Variants in PRIM2 observed in about 807,000 individuals in gnomAD.
PRIM2 encodes the protein DNA primase large subunit.
In PRIM2, 39 loss-of-function variants were observed where a neutral mutation model predicts 67.3. That is an observed-to-expected ratio of 0.58 (90% CI 0.45 to 0.76). The LOEUF is 0.76. Among genes scored for constraint, PRIM2 ranks in the 30% least tolerant of loss-of-function variants. The pLI is 0.00. For missense variants in PRIM2, 398 were observed against 598.7 expected (o/e 0.66, Z 3.50); for synonymous variants, 143 against 198.7 (o/e 0.72, Z 2.36).
chr6:57,284,046 A>G, the PRIM2 span, among the ~76,000 whole-genome samples: 8 of 152,286 alleles, frequency 5.3e-5, no homozygotes, highest in Admixed American at 1.3e-4. Flanking sequence ...TTTGGACAAC[A>G]GATTATATGG....
chr6:57,442,610 TG>T (rs1772235881), intron 7 of PRIM2, among the ~76,000 whole-genome samples: 2 of 152,092 alleles, frequency 1.3e-5, no homozygotes, highest in Non-Finnish European at 1.5e-5. Context: ...GGTATTTTTT[TG>T]GTTCTGTCAT....
At chr6:57,310,295 C>T (rs1364818640), upstream of PRIM2, among the ~76,000 whole-genome samples, 1 of 152,246 alleles carries the variant, frequency 6.6e-6, no homozygotes, top group African/African-American at 2.4e-5. Context: ...TAACAAAGCA[C>T]ATCTTGCACC....
chr6:57,577,213 A>G (rs1581999639), intron 10 of PRIM2, among the ~76,000 whole-genome samples: 1 of 152,192 alleles, frequency 6.6e-6, no homozygotes, highest in African/African-American at 2.4e-5. Context: ...GCAGATCCTC[A>G]TAACATGGTA....
chr6:57,474,321 C>T (rs1381690928), intron 7 of PRIM2, among the ~76,000 whole-genome samples: 3 of 150,002 alleles, frequency 2.0e-5, no homozygotes, highest in Non-Finnish European at 3.0e-5. Context: ...ACTACAGGCA[C>T]CTGCCACCAT....
At chr6:57,317,122 A>G (rs1767504735), upstream of PRIM2, among the ~76,000 whole-genome samples, 1 of 152,200 alleles carries the variant, frequency 6.6e-6, no homozygotes, top group African/African-American at 2.4e-5. Context: ...AAATGGGGGT[A>G]ATACGATCTT....
chr6:57,257,283 T>G, the PRIM2 span, among the ~76,000 whole-genome samples: 575 of 151,962 alleles, frequency 3.8e-3, 4 homozygotes, highest in East Asian at 0.023. Context: ...TTTTTTTTTT[T>G]TTTGTGAGAT....
chr6:57,584,017 T>G (rs1414390849), intron 10 of PRIM2, among the ~76,000 whole-genome samples: 1 of 152,274 alleles, frequency 6.6e-6, no homozygotes, highest in African/African-American at 2.4e-5. Flanking sequence ...CTACTGTTGT[T>G]GAAACATCAC....
chr6:57,274,978 G>T, the PRIM2 span, among the ~76,000 whole-genome samples: 1 of 149,808 alleles, frequency 6.7e-6, no homozygotes. Flanking sequence ...GGAGAGACGG[G>T]GTTTCACCAC....
intron 12 of PRIM2, among the ~76,000 whole-genome samples, chr6:57,626,464 C>T (rs1385990391): frequency 6.6e-6 from 1 of 151,878 alleles, no homozygotes; most frequent in African/African-American, 2.4e-5. Context: ...CTTTTTGCTC[C>T]TCAACTGCAA....
chr6:57,314,738 G>C (rs1419126899), upstream of PRIM2: 5 of 152,214 alleles, frequency 3.3e-5, no homozygotes, highest in African/African-American at 1.2e-4. Flanking sequence ...AATCTTGGTT[G>C]CCAGGGCTGA....
chr6:57,527,849 C>A lies in PRIM2; in HGVS notation c.762-4562C>A, dbSNP rs1383541859. ...TAGAGGAGAGATGTCATTCCTAATT[C>A]TGATACTTAACATCCTCATTTCTAT... On this transcript the variant is annotated intron_variant, in intron 8 of 13. Transcript: ENST00000615550. Among the ~76,000 whole-genome samples, 86 of 152,356 alleles carry A rather than the reference C, an allele frequency of 5.6e-4. 1 individual carries two copies. Among genetic ancestry groups the A allele is most frequent in the African/African-American group, 1.9e-3 (80 of 41,592 alleles).
At chr6:57,459,889 C>T (rs1581928747) in intron 7 of PRIM2, among the ~76,000 whole-genome samples, 1 of 152,290 alleles carries the variant, frequency 6.6e-6, no homozygotes, top group East Asian at 1.9e-4. Flanking sequence ...AACTAGGCAT[C>T]ATTATGTAGC....
intron 7 of PRIM2, among the ~76,000 whole-genome samples, chr6:57,438,231 G>T (rs1440997839): frequency 6.6e-6 from 1 of 151,980 alleles, no homozygotes; most frequent in Non-Finnish European, 1.5e-5. Context: ...TATTGTATCT[G>T]TGATGAGTTT....
chr6:57,239,211 G>A, the PRIM2 span, among the ~76,000 whole-genome samples: 10 of 152,122 alleles, frequency 6.6e-5, 1 homozygote, highest in South Asian at 1.7e-3. Context: ...GACTGGTCTC[G>A]AACTCCTGAC....
chr6:57,417,554 G>C (rs1460383295), intron 7 of PRIM2, among the ~76,000 whole-genome samples: 1 of 152,154 alleles, frequency 6.6e-6, no homozygotes, highest in Non-Finnish European at 1.5e-5. Context: ...AAGGAGAGGA[G>C]AGAGACAAAG....
At chr6:57,268,342 A>C in the PRIM2 span, among the ~76,000 whole-genome samples, 1 of 152,104 alleles carries the variant, frequency 6.6e-6, no homozygotes, top group Non-Finnish European at 1.5e-5. Flanking sequence ...GTTAGAGTTA[A>C]AGGCAGAAAA....
the PRIM2 span, among the ~76,000 whole-genome samples, chr6:57,257,665 AG>A: frequency 6.6e-6 from 1 of 152,204 alleles, no homozygotes; most frequent in Non-Finnish European, 1.5e-5. Context: ...CTTTGGGGCA[AG>A]ACTGAAACCT....
At chr6:57,370,188 G>A (rs1433785466) in intron 5 of PRIM2, among the ~76,000 whole-genome samples, 1 of 152,124 alleles carries the variant, frequency 6.6e-6, no homozygotes, top group Non-Finnish European at 1.5e-5. Flanking sequence ...TTCTTTGTTA[G>A]TAGAAGTAGG....
chr6:57,398,249 C>G lies in PRIM2; in HGVS notation c.693+16081C>G, dbSNP rs565242636. On this transcript the variant is annotated intron_variant, in intron 7 of 13. Transcript: ENST00000615550. ...GTGGGATTACAGACATGAGCCACCA[C>G]GCCTGGCCAATCTTTCTAACTTTTT... is the stretch of plus-strand genomic sequence containing the variant. 1.8e-4 allele frequency among the ~76,000 whole-genome samples: 27 copies of G among 152,182 alleles called. No homozygotes were observed. The South Asian group carries it at 3.5e-3, about 20-fold the overall frequency.
Sources: gnomAD v4.1 joint callset for allele counts (sites outside exome capture counted in the v4.1 genomes callset) on GRCh38, gnomAD v4.1.1 for gene constraint, MANE v1.5 for transcripts, NCBI Gene and HGNC (gene_info 2026-07-23, HGNC 2026-07-21) for gene names.